TEX14: variants seen among roughly 807,000 people sequenced by gnomAD.
TEX14 encodes testis expressed 14, intercellular bridge forming factor.
A neutral mutation model predicts 178.6 loss-of-function variants in TEX14; 168 were observed. The ratio of observed to expected loss-of-function variants is 0.94; its 90% CI spans 0.83 to 1.07. The LOEUF is 1.07. Ranked by LOEUF, TEX14 falls within the 50% of genes least tolerant of loss-of-function variation. The probability of loss-of-function intolerance (pLI) is 0.00; values close to 1 mark genes in which losing one functional copy is unlikely to be tolerated. For missense variants in TEX14, 1,730 were observed against 1,753.6 expected, an observed-to-expected ratio of 0.99 and a Z score of 0.24; for synonymous variants, 626 against 634.1, an observed-to-expected ratio of 0.99 and a Z score of 0.19.
chr17:58,582,566 CTTTT>C (rs74540002), intron 19 of TEX14, among the ~76,000 whole-genome samples: 3 of 129,354 alleles, frequency 2.3e-5, no homozygotes, highest in Admixed American at 7.8e-5. Flanking sequence ...CTGCAAATTT[CTTTT>C]TTTTTTTTTT....
At chr17:58,570,837 G>A (rs572639833) in intron 24 of TEX14, among the ~76,000 whole-genome samples, 3 of 151,938 alleles carry the variant, frequency 2.0e-5, no homozygotes, top group East Asian at 3.9e-4. Context: ...CATCATGTTG[G>A]CCAGGCTGGT....
At chr17:58,629,781 G>T (rs2046238557) in intron 3 of TEX14, among the ~76,000 whole-genome samples, 1 of 150,960 alleles carries the variant, frequency 6.6e-6, no homozygotes, top group South Asian at 2.1e-4. Flanking sequence ...CTTGCAGTGA[G>T]CCGAGATCGC....
At chr17:58,576,765 A>C (rs1451776812) in intron 21 of TEX14, among the ~76,000 whole-genome samples, 1 of 152,192 alleles carries the variant, frequency 6.6e-6, no homozygotes, top group East Asian at 1.9e-4. Flanking sequence ...ATATTAATGG[A>C]ATCACACAGT....
chr17:58,595,230 T>C (rs2045252188), intron 14 of TEX14, among the ~76,000 whole-genome samples: 1 of 152,166 alleles, frequency 6.6e-6, no homozygotes, highest in Admixed American at 6.5e-5. Flanking sequence ...GAAATAAACT[T>C]CAATTGTCTG....
rs552356569 is a variant in TEX14 at position 58,631,712 on chromosome 17, A to T, written c.137-1158T>A. The T allele has an allele frequency of 2.0e-5, 3 of 150,640 alleles. No homozygotes were observed. The East Asian group carries it at 5.8e-4, about 29-fold the overall frequency. The allele number at this position is 150,640 out of a possible 1,614,324, so 9.3% of individuals were successfully genotyped here. On this transcript the variant is annotated intron_variant, in intron 2 of 31. Transcript: ENST00000349033. ...ACAGCAGTTAGAATAACGCAACACC[A>T]AACACTGCTATCCCACTCGTGAGAG...
chr17:58,571,474 G>C (rs1205602132), intron 24 of TEX14, among the ~76,000 whole-genome samples: 3 of 151,928 alleles, frequency 2.0e-5, no homozygotes, highest in African/African-American at 7.3e-5. Flanking sequence ...CTGAAATCAA[G>C]TGATCTGCCC....
In TEX14 at chr17:58,583,564, C is replaced by T. The variant is rs1272578381; in HGVS notation, c.3171+936G>A. The stretch of plus-strand genomic sequence containing the variant: ...ATAGGTGTGAGCCACTACACCCAAC[C>T]TTCAGTGATCTCTTGGCAGAGATTT... On this transcript the variant is annotated intron_variant, in intron 19 of 31. Transcript: ENST00000349033. Among the ~76,000 whole-genome samples, 4 of 152,204 alleles carry T rather than the reference C, an allele frequency of 2.6e-5. No homozygotes were observed. The South Asian group carries it at 6.2e-4, about 24-fold the overall frequency.
At chr17:58,562,535 C>T (rs1205507706) in intron 28 of TEX14, among the ~76,000 whole-genome samples, 1 of 151,644 alleles carries the variant, frequency 6.6e-6, no homozygotes, top group Non-Finnish European at 1.5e-5. Flanking sequence ...GAGACAGTCT[C>T]GCTCTGTCGC....
chr17:58,662,415 T>TCA (rs200980242), intron 1 of TEX14, among the ~76,000 whole-genome samples: 12,193 of 114,840 alleles, frequency 0.11, 535 homozygotes, highest in East Asian at 0.17. Context: ...CACACATATC[T>TCA]CACACACACA....
chr17:58,583,728 T>C (rs1447691979), intron 19 of TEX14, among the ~76,000 whole-genome samples: 1 of 152,220 alleles, frequency 6.6e-6, no homozygotes, highest in South Asian at 2.1e-4. Context: ...TGCCTAGGCC[T>C]GCTTCTCCAG....
rs2044146233 is a variant in TEX14 at position 58,556,871 on chromosome 17, T to G, written c.*140A>C. The G allele has an allele frequency of 5.6e-6, 4 of 714,442 alleles. No homozygotes were observed. In the East Asian group the frequency reaches 1.0e-4, roughly 18 times the overall value. The allele number at this position is 714,442 out of a possible 1,614,324, so 44.3% of individuals were successfully genotyped here. The stretch of plus-strand genomic sequence containing the variant: ...ACAGAGAGGGCCAAACGATGATGTC[T>G]ATTGTGGCAGCTGAACAAAGTGAGA... On this transcript the variant is annotated 3_prime_UTR_variant, in exon 32 of 32. Transcript: ENST00000349033.
intron 9 of TEX14, 61 bp downstream of exon 9, chr17:58,613,360 G>C: frequency 6.2e-7 from 1 of 1,605,914 alleles, no homozygotes; most frequent in Non-Finnish European, 8.5e-7. Flanking sequence ...TGGGGCAAGA[G>C]GGTGAGGAGG....
intron 13 of TEX14, among the ~76,000 whole-genome samples, chr17:58,601,366 C>CA (rs1220208436): frequency 6.6e-6 from 1 of 151,782 alleles, no homozygotes; most frequent in African/African-American, 2.4e-5. Flanking sequence ...ACTAAAAATA[C>CA]AAAAAATTAG....
At chr17:58,590,974 CTTTTT>C (rs1237384306) in intron 15 of TEX14, among the ~76,000 whole-genome samples, 1 of 150,706 alleles carries the variant, frequency 6.6e-6, no homozygotes, top group African/African-American at 2.4e-5. Flanking sequence ...GTAATTGTCA[CTTTTT>C]TTTTAAGCAC....
chr17:58,577,490 T>TA (rs201907645), intron 20 of TEX14, 34 bp from the exon 21 acceptor site: 7,965 of 733,244 alleles, frequency 0.011, 46 homozygotes, highest in African/African-American at 0.014. Context: ...TATATATATA[T>TA]TTTTTTTTAC....
At position 58,603,785 on chromosome 17, in the gene TEX14, C is replaced by A. The variant is rs2045532414; in HGVS notation, c.1336+1193G>T. Among the ~76,000 whole-genome samples the A allele has an allele frequency of 2.8e-5, 4 of 143,810 alleles. No individual in the cohort carries two copies. The South Asian group carries it at 8.8e-4, about 32-fold the overall frequency. The allele number at this position is 143,810 out of a possible 152,430, so 94.3% of individuals were successfully genotyped here. On this transcript the variant is annotated intron_variant, in intron 11 of 31. Transcript: ENST00000349033. ...AGGAGAATCGCTTGAACCCGGGAGGCAGAAGTTGCAGTGAGCCAAGATCCC... is the reference window on the plus strand; with the variant it reads ...AGGAGAATCGCTTGAACCCGGGAGGAAGAAGTTGCAGTGAGCCAAGATCCC...
In TEX14 at chr17:58,585,800, C is replaced by A; in HGVS notation, c.3070+1G>T. 1 of 1,613,660 alleles carries A rather than the reference C, an allele frequency of 6.2e-7. No individual in the cohort carries two copies. Among genetic ancestry groups the A allele is most frequent in the Non-Finnish European group, 8.5e-7 (1 of 1,179,712 alleles). On this transcript the variant is annotated splice_donor_variant, in intron 18 of 31. Coordinates refer to ENST00000349033, the MANE Select transcript of TEX14 (RefSeq NM_031272.5). LOFTEE classifies it high-confidence loss of function. Reference sequence around the variant, plus strand: ...ATCCTGATTCCCGCAAGTGAACTTACTGGTGAAGCTTCCAAGCCTGGGCTG... The same window carrying A: ...ATCCTGATTCCCGCAAGTGAACTTAATGGTGAAGCTTCCAAGCCTGGGCTG...
chr17:58,641,669 G>A (rs1463755443), intron 2 of TEX14, among the ~76,000 whole-genome samples: 5 of 151,510 alleles, frequency 3.3e-5, no homozygotes, highest in Middle Eastern at 6.8e-3. Context: ...ACCACACTCA[G>A]CTAATTTTTG....
intron 1 of TEX14, among the ~76,000 whole-genome samples, chr17:58,668,036 A>C (rs1011278053): frequency 8.5e-5 from 13 of 152,112 alleles, no homozygotes; most frequent in African/African-American, 3.1e-4. Flanking sequence ...ATTTAGCTGA[A>C]ACCCAAATTC....
Sources: gnomAD v4.1 joint callset for allele counts (sites outside exome capture counted in the v4.1 genomes callset) on GRCh38, gnomAD v4.1.1 for gene constraint, MANE v1.5 for transcripts, NCBI Gene and HGNC (gene_info 2026-07-23, HGNC 2026-07-21) for gene names.